The following LTA4H variants were observed in gnomAD, a reference collection of about 807,000 sequenced individuals.
The protein encoded by LTA4H is leukotriene A4 hydrolase, also known as leukotriene A-4 hydrolase.
A neutral mutation model predicts 89.8 loss-of-function variants in LTA4H; 59 were observed. The observed-to-expected ratio is 0.66, with a 90% CI of 0.53 to 0.82. The LOEUF (loss-of-function observed/expected upper bound fraction) is 0.82. Among genes scored for constraint, LTA4H ranks in the 40% least tolerant of loss-of-function variants. LTA4H has a pLI of 0.00. For missense variants in LTA4H, 617 were observed against 727.0 expected, an observed-to-expected ratio of 0.85 and a Z score of 1.74; for synonymous variants, 227 against 253.1, an observed-to-expected ratio of 0.90 and a Z score of 0.98.
upstream of LTA4H, among the ~76,000 whole-genome samples, chr12:96,036,016 G>C (rs1268981713): frequency 6.6e-6 from 1 of 152,204 alleles, no homozygotes; most frequent in East Asian, 1.9e-4. Flanking sequence ...TTTCTTTCGT[G>C]CGGTTCCTCG....
At position 96,028,204 on chromosome 12, in the gene LTA4H, A is replaced by G. The variant is rs115647039; in HGVS notation, c.291-640T>C. Among the ~76,000 whole-genome samples, 1,180 of 152,288 alleles carry G rather than the reference A, an allele frequency of 7.7e-3. 21 individuals carry two copies. Among genetic ancestry groups the G allele is most frequent in the African/African-American group, 0.027 (1,131 of 41,568 alleles). On this transcript the variant is annotated intron_variant, in intron 2 of 18. Transcript: ENST00000228740. ...TTTGAGAAGCACTGATAATAAGGAAACAGCAGAGGTTTAGAGACCAGCAGC... is the reference window on the plus strand; with the variant it reads ...TTTGAGAAGCACTGATAATAAGGAAGCAGCAGAGGTTTAGAGACCAGCAGC...
At chr12:96,003,108 A>G in intron 17 of LTA4H, 44 bp from the exon 18 acceptor site, 6 of 1,276,058 alleles carry the variant, frequency 4.7e-6, no homozygotes, top group Non-Finnish European at 6.7e-6. Flanking sequence ...AAAATGAGGA[A>G]GGGGCAGGAT....
intron 2 of LTA4H, among the ~76,000 whole-genome samples, 195 bp downstream of exon 2, chr12:96,028,860 A>G (rs1950540709): frequency 6.6e-6 from 1 of 152,234 alleles, no homozygotes; most frequent in Non-Finnish European, 1.5e-5. Context: ...TATACAAACA[A>G]CATTTTTAGT....
rs116924183 is a variant in LTA4H, at chr12:96,009,575, C to T, written c.1380-427G>A. On this transcript the variant is annotated intron_variant, in intron 14 of 18. Coordinates refer to ENST00000228740, the MANE Select transcript of LTA4H (RefSeq NM_000895.3). ...TCCAAACATCTAATCATCTAACAAA[C>T]CTGCAAGCACCTGCTACATAATTGG... 642 of 164,000 alleles carry T rather than the reference C, an allele frequency of 3.9e-3. 3 individuals carry two copies. Among genetic ancestry groups the T allele is most frequent in the Middle Eastern group, 6.0e-3 (2 of 334 alleles). The allele number at this position is 164,000 out of a possible 1,614,324, so 10.2% of individuals were successfully genotyped here. A position where few individuals can be genotyped will look rare whatever the true frequency, so the allele number is the denominator to read the frequency against.
upstream of LTA4H, chr12:96,035,731 G>A: frequency 1.5e-6 from 2 of 1,305,640 alleles, no homozygotes; most frequent in Non-Finnish European, 2.0e-6. Flanking sequence ...GCAAGCGGGC[G>A]CTTGGCTACC....
At chr12:96,013,007 A>G (rs1950325651) in intron 14 of LTA4H, 181 bp downstream of exon 14, 5 of 513,222 alleles carry the variant, frequency 9.7e-6, no homozygotes, top group Admixed American at 6.4e-5. Flanking sequence ...GTGAAAAACC[A>G]TATTTGTAAA....
rs1311564717 is a variant in LTA4H at position 96,029,119 on chromosome 12, G to A, written c.226C>T (p.Leu76Phe). The A allele has an allele frequency of 1.3e-6, 2 of 1,594,808 alleles. No homozygotes were observed. Among genetic ancestry groups the A allele is most frequent in the Admixed American group, 1.7e-5 (1 of 58,650 alleles). Reference sequence around the variant, plus strand: ...CCCTTGTAACTTTGTCTTTCTCCAAGAGCATATTTGACTTCTTGTCCATTG... The same window carrying A: ...CCCTTGTAACTTTGTCTTTCTCCAAAAGCATATTTGACTTCTTGTCCATTG... ...VINGQEVKYA[L>F]GERQSYKGSP... The change falls in exon 2 of 19, where the codon CTT becomes TTT. Residue 76 changes from leucine (L) to phenylalanine (F), a missense_variant. Physicochemically the swap from Leu to Phe is conservative, Grantham distance 22 (BLOSUM62 0). Around this residue, in one of 3 missense-constraint regions of LTA4H, gnomAD observed 155 missense variants for 143.3 expected, o/e 1.08. Transcript: ENST00000228740.
chr12:96,033,364 T>C lies in LTA4H; in HGVS notation c.159+1997A>G, dbSNP rs553229646. Among the ~76,000 whole-genome samples the C allele has an allele frequency of 2.6e-5, 4 of 152,312 alleles. No homozygotes were observed. In the East Asian group the frequency reaches 7.7e-4, roughly 29 times the overall value. ...CTGAAATATATGTTGCAGCTAAAGATTCAAGGAAGAATTTGCTGTTCATAT... is the reference window on the plus strand; with the variant it reads ...CTGAAATATATGTTGCAGCTAAAGACTCAAGGAAGAATTTGCTGTTCATAT... On this transcript the variant is annotated intron_variant, in intron 1 of 18. Transcript: ENST00000228740.
chr12:96,043,195 C>G, intron 1 of LTA4H: 1 of 884,692 alleles, frequency 1.1e-6, no homozygotes. Context: ...AAAGTGAGAA[C>G]ATGTCGGGTA....
rs888845419 is a variant in LTA4H, at chr12:96,043,309, G to A, written c.67C>T (p.Arg23Ter). 2.6e-6 allele frequency: 4 copies of A among 1,535,192 alleles called. No homozygotes were observed. Among genetic ancestry groups the A allele is most frequent in the Middle Eastern group, 1.7e-4 (1 of 5,990 alleles). The change falls in exon 1 of 18, where the codon CGA becomes TGA. Residue 23 changes from arginine (R) to a stop codon, truncating the protein, a stop_gained. Coordinates refer to the LTA4H transcript ENST00000413268. LOFTEE classifies it high-confidence loss of function. ...CTTACCTTTAAGGCTGCAAGAAGTCGACGAGTCTTAACTGGGATATGCATG... is the reference window on the plus strand; with the variant it reads ...CTTACCTTTAAGGCTGCAAGAAGTCAACGAGTCTTAACTGGGATATGCATG...
At chr12:96,016,873 C>G (rs111894899) in intron 10 of LTA4H, among the ~76,000 whole-genome samples, 171 bp downstream of exon 10, 14 of 151,038 alleles carry the variant, frequency 9.3e-5, no homozygotes, top group African/African-American at 3.2e-4. Context: ...GCACTCTAGC[C>G]TGAGTGACAG....
In LTA4H at chr12:96,022,586, A is replaced by T. The variant is rs1312571554; in HGVS notation, c.481-335T>A. On this transcript the variant is annotated intron_variant, in intron 4 of 18. Coordinates refer to ENST00000228740, the MANE Select transcript of LTA4H (RefSeq NM_000895.3). The surrounding 1 kb of genome is among the most constrained non-coding windows in gnomAD (Gnocchi z 4.0). ...CTTTAAAAGTGAATGTGAAATTTCT[A>T]TCCATTCACCCATGCACATTAAGAG... 6.6e-6 allele frequency among the ~76,000 whole-genome samples: 1 copy of T among 152,184 alleles called. No individual in the cohort carries two copies. Among genetic ancestry groups the T allele is most frequent in the African/African-American group, 2.4e-5 (1 of 41,442 alleles).
intron 1 of LTA4H, among the ~76,000 whole-genome samples, chr12:96,030,169 C>A (rs561890276): frequency 6.6e-6 from 1 of 152,334 alleles, no homozygotes; most frequent in East Asian, 1.9e-4. Context: ...TCCTTCACTT[C>A]TTTGCCTGTA....
rs1403547276 is a variant in LTA4H at position 96,018,875 on chromosome 12, TC to T, written c.739del (p.Asp247IlefsTer33). On this transcript the variant is annotated frameshift_variant, in exon 8 of 19. Transcript: ENST00000228740. LOFTEE classifies it high-confidence loss of function. ...TCCCCATACATACGGTCCTCCCAGA[TC>T]TTCTGCTATTTTAAGCATAGATTCA... ...ETESMLKIAE[D>X]LGGPYVWGQY... The T allele has an allele frequency of 6.3e-7, 1 of 1,595,404 alleles. No individual in the cohort carries two copies. The highest frequency in any genetic ancestry group is 8.5e-7 in the Non-Finnish European group (1 of 1,174,134).
intron 16 of LTA4H, 23 bp from the exon 17 acceptor site, chr12:96,003,943 T>C (rs767403900): frequency 5.5e-6 from 8 of 1,451,998 alleles, no homozygotes; most frequent in Non-Finnish European, 6.7e-6. Flanking sequence ...TAAAGAAGTA[T>C]ACCGTATCAT....
At chr12:96,035,244 G>A (rs981400162) in intron 1 of LTA4H, 117 bp downstream of exon 1, 6 of 1,040,922 alleles carry the variant, frequency 5.8e-6, no homozygotes, top group East Asian at 2.6e-5. Flanking sequence ...AGACGGGGAC[G>A]TGGGGCTAGG....
chr12:96,036,265 G>A (rs1212366089), upstream of LTA4H, among the ~76,000 whole-genome samples: 2 of 152,154 alleles, frequency 1.3e-5, no homozygotes, highest in Non-Finnish European at 2.9e-5. Context: ...TGCACTGGTC[G>A]CAATGGGAGT....
intron 6 of LTA4H, among the ~76,000 whole-genome samples, chr12:96,020,076 T>C (rs11108378): frequency 2.0e-5 from 3 of 152,016 alleles, no homozygotes; most frequent in Non-Finnish European, 4.4e-5. Context: ...ATTAATTTTT[T>C]ATTTTTTTGT....
At chr12:96,011,635 T>C (rs1042801389) in intron 14 of LTA4H, 1 of 152,214 alleles carries the variant, frequency 6.6e-6, no homozygotes, top group Admixed American at 6.5e-5. Flanking sequence ...GATACATACA[T>C]ATTTGCTCTG....
Sources: allele counts gnomAD v4.1 joint callset (sites outside exome capture counted in the v4.1 genomes callset), GRCh38; gene constraint gnomAD v4.1.1; regional missense constraint gnomAD v4.1.1; non-coding constraint Gnocchi (gnomAD v3.1); transcripts MANE v1.5; gene names NCBI Gene and HGNC (gene_info 2026-07-23, HGNC 2026-07-21).